Variants in PIEZO2 observed in about 807,000 individuals in gnomAD.
The protein encoded by PIEZO2 is piezo type mechanosensitive ion channel component 2.
A neutral mutation model predicts 337.3 loss-of-function variants in PIEZO2; 172 were observed. The ratio of observed to expected loss-of-function variants is 0.51; its 90% CI spans 0.45 to 0.58. The LOEUF is 0.58. Ranked by LOEUF, PIEZO2 falls within the 20% of genes least tolerant of loss-of-function variation. The probability of loss-of-function intolerance (pLI) is 0.00; values close to 1 mark genes in which losing one functional copy is unlikely to be tolerated. For synonymous variants in PIEZO2, 1,251 were observed against 1,228.5 expected (o/e 1.02, Z -0.38); for missense variants, 3,028 against 3,391.3 (o/e 0.89, Z 2.66).
chr18:11,002,130 T>C lies in PIEZO2; in HGVS notation c.161-22470A>G, dbSNP rs999148744. ...AAATACATGGACGAATTAATAATGA[T>C]TATAGTCCAATAAAACTTTAGTTAT... On this transcript the variant is annotated intron_variant, in intron 2 of 55. Transcript: ENST00000674853. The surrounding 1 kb of genome is among the most constrained non-coding windows in gnomAD (Gnocchi z 4.3). 2.6e-5 allele frequency among the ~76,000 whole-genome samples: 4 copies of C among 152,218 alleles called. No homozygotes were observed. The highest frequency in any genetic ancestry group is 9.6e-5 in the African/African-American group (4 of 41,454).
At position 10,882,834 on chromosome 18, in the gene PIEZO2, C is replaced by CTTTTTTTTTTTTTTTT. The variant is rs745618117; in HGVS notation, c.330-11420_330-11419insAAAAAAAAAAAAAAAA. ...CCATTGTGCATATGTACCACATTTT[C>CTTTTTTTTTTTTTTTT]TTTTTTTCTTTTTTTTTTTTTTTGA... On this transcript the variant is annotated intron_variant, in intron 4 of 55. Transcript: ENST00000674853. 1.0e-4 allele frequency among the ~76,000 whole-genome samples: 11 copies of CTTTTTTTTTTTTTTTT among 109,984 alleles called. 3 individuals carry two copies. The highest frequency in any genetic ancestry group is 1.5e-4 in the Non-Finnish European group (8 of 54,602). The allele number at this position is 109,984 out of a possible 152,430, so 72.2% of individuals were successfully genotyped here. A position where few individuals can be genotyped will look rare whatever the true frequency, so the allele number is the denominator to read the frequency against.
At chr18:10,827,219 C>T (rs2040700999) in intron 7 of PIEZO2, among the ~76,000 whole-genome samples, 1 of 151,980 alleles carries the variant, frequency 6.6e-6, no homozygotes, top group Non-Finnish European at 1.5e-5. Context: ...TTATTTTTTT[C>T]TGAAATATTT....
rs888329663 is a variant in PIEZO2 at position 10,813,265 on chromosome 18, C to T, written c.918-5991G>A. The stretch of plus-strand genomic sequence containing the variant: ...AAGTGCTGGCATTACAGGAGTGAGC[C>T]ACCGCGCCCGGGCCATTTTAAACAT... On this transcript the variant is annotated intron_variant, in intron 7 of 55. Coordinates refer to ENST00000674853, the MANE Select transcript of PIEZO2 (RefSeq NM_001378183.1). This position sits in a 1 kb window ranked among gnomAD's most constrained non-coding sequence, Gnocchi z 4.2. 6.6e-6 allele frequency among the ~76,000 whole-genome samples: 1 copy of T among 152,196 alleles called. No individual in the cohort carries two copies. Among genetic ancestry groups the T allele is most frequent in the Non-Finnish European group, 1.5e-5 (1 of 68,042 alleles).
chr18:10,729,849 T>C (rs550045095), intron 36 of PIEZO2, among the ~76,000 whole-genome samples: 71 of 152,310 alleles, frequency 4.7e-4, no homozygotes, highest in Non-Finnish European at 8.4e-4. Flanking sequence ...TTTCATAATG[T>C]GCGTGCCATT....
chr18:10,704,713 T>C, intron 41 of PIEZO2, 61 bp from the exon 42 acceptor site: 1 of 1,493,972 alleles, frequency 6.7e-7, no homozygotes, highest in Non-Finnish European at 8.9e-7. Context: ...AGATGGAGTT[T>C]TGCTCTTGTT....
At chr18:10,743,029 G>C (rs997942261) in intron 31 of PIEZO2, among the ~76,000 whole-genome samples, 3 of 152,092 alleles carry the variant, frequency 2.0e-5, no homozygotes, top group African/African-American at 7.2e-5. Context: ...ATTTAGCAAA[G>C]AGAATTACAG....
At chr18:10,955,281 G>A (rs1274038794) in intron 3 of PIEZO2, among the ~76,000 whole-genome samples, 1 of 152,170 alleles carries the variant, frequency 6.6e-6, no homozygotes, top group Non-Finnish European at 1.5e-5. Flanking sequence ...AGCAATCGAG[G>A]TTGGGCTCAG....
At chr18:10,687,109 T>C (rs951542232) in intron 49 of PIEZO2, among the ~76,000 whole-genome samples, 6 of 152,204 alleles carry the variant, frequency 3.9e-5, no homozygotes, top group African/African-American at 1.2e-4. Flanking sequence ...TTTATTTGTG[T>C]CACCATTTTA....
rs1483175954 is a variant in PIEZO2 at position 11,109,755 on chromosome 18, A to G, written c.64+38770T>C. Among the ~76,000 whole-genome samples, 1 of 152,166 alleles carries G rather than the reference A, an allele frequency of 6.6e-6. No homozygotes were observed. Among genetic ancestry groups the G allele is most frequent in the East Asian group, 1.9e-4 (1 of 5,192 alleles). On this transcript the variant is annotated intron_variant, in intron 1 of 55. Transcript: ENST00000674853. The surrounding 1 kb of genome is among the most constrained non-coding windows in gnomAD (Gnocchi z 5.1). ...TACTAGAAACAGAATCCTTAATGCT[A>G]AGAAGCAAAAATGTGTATGTGTTTG... is the stretch of plus-strand genomic sequence containing the variant.
intron 36 of PIEZO2, chr18:10,725,454 G>T: frequency 6.3e-7 from 1 of 1,581,388 alleles, no homozygotes. Context: ...GCTGTGGCAT[G>T]AAATAGGTCA....
chr18:11,130,864 G>T (rs2040320288), intron 1 of PIEZO2, among the ~76,000 whole-genome samples: 2 of 152,188 alleles, frequency 1.3e-5, no homozygotes, highest in Admixed American at 1.3e-4. Context: ...CCAAAAGGCT[G>T]CCATTCTGAG....
intron 4 of PIEZO2, among the ~76,000 whole-genome samples, chr18:10,904,120 T>G (rs1047915991): frequency 1.3e-5 from 2 of 152,274 alleles, no homozygotes; most frequent in African/African-American, 4.8e-5. Flanking sequence ...CGTTTAGTTA[T>G]GTACCTTATG....
chr18:11,072,573 C>A (rs193181121), intron 1 of PIEZO2, among the ~76,000 whole-genome samples: 1 of 152,196 alleles, frequency 6.6e-6, no homozygotes, highest in Non-Finnish European at 1.5e-5. Context: ...TACTAATGTG[C>A]TTACTGTGTG....
At chr18:10,845,435 T>C (rs75687229) in intron 7 of PIEZO2, among the ~76,000 whole-genome samples, 147 of 152,318 alleles carry the variant, frequency 9.7e-4, no homozygotes, top group African/African-American at 3.4e-3. Context: ...CCACACAAAC[T>C]GGAAATCAGT....
intron 18 of PIEZO2, 107 bp downstream of exon 18, chr18:10,780,218 T>C (rs2038930774): frequency 1.5e-6 from 1 of 676,512 alleles, no homozygotes; most frequent in Non-Finnish European, 2.7e-6. Context: ...TGAAGACCAG[T>C]GTCCACTATC....
rs2036565820 is a variant in PIEZO2 at position 10,726,873 on chromosome 18, G to A, written c.5029+4534C>T. Reference sequence around the variant, plus strand: ...AGGACTTGGCACGCTACCGGCAGCAGCTGAAGCACATCATGGCCACCAACC... The same window carrying A: ...AGGACTTGGCACGCTACCGGCAGCAACTGAAGCACATCATGGCCACCAACC... On this transcript the variant is annotated intron_variant, in intron 36 of 55. Transcript: ENST00000674853. This position sits in a 1 kb window ranked among gnomAD's most constrained non-coding sequence, Gnocchi z 5.9. 7 of 1,597,934 alleles carry A rather than the reference G, an allele frequency of 4.4e-6. No individual in the cohort carries two copies. The highest frequency in any genetic ancestry group is 1.1e-5 in the South Asian group (1 of 89,696).
At position 10,762,648 on chromosome 18, in the gene PIEZO2, TA is replaced by T. The variant is rs145636374; in HGVS notation, c.3124-24del. On this transcript the variant is annotated intron_variant, in intron 22 of 55. Coordinates refer to ENST00000674853, the MANE Select transcript of PIEZO2 (RefSeq NM_001378183.1). ...TGGCTAAAAAGAAGAGAAAATGGAG[TA>T]AAAAAAAATAGCTCCACAGATTAGG... is the stretch of plus-strand genomic sequence containing the variant. 14,436 of 1,512,122 alleles carry T rather than the reference TA, an allele frequency of 9.5e-3. 664 individuals carry two copies. The African/African-American group carries it at 0.12, about 13-fold the overall frequency. The allele number at this position is 1,512,122 out of a possible 1,614,324, so 93.7% of individuals were successfully genotyped here. A position where few individuals can be genotyped will look rare whatever the true frequency, so the allele number is the denominator to read the frequency against.
intron 1 of PIEZO2, among the ~76,000 whole-genome samples, chr18:11,091,179 T>G (rs1217500126): frequency 6.7e-6 from 1 of 149,910 alleles, no homozygotes; most frequent in Non-Finnish European, 1.5e-5. Flanking sequence ...AGGTCAGGAG[T>G]TGAAGAACAG....
intron 2 of PIEZO2, among the ~76,000 whole-genome samples, chr18:11,062,716 T>C (rs1194369010): frequency 6.6e-6 from 1 of 152,154 alleles, no homozygotes; most frequent in Non-Finnish European, 1.5e-5. Flanking sequence ...TGAGATACCA[T>C]CTTACACCAG....
Sources: gnomAD v4.1 joint callset for allele counts (sites outside exome capture counted in the v4.1 genomes callset) on GRCh38, gnomAD v4.1.1 for gene constraint, Gnocchi (gnomAD v3.1) non-coding constraint, MANE v1.5 for transcripts, NCBI Gene and HGNC (gene_info 2026-07-23, HGNC 2026-07-21) for gene names.